TUSC3: variants seen among roughly 807,000 people sequenced by gnomAD.
TUSC3 encodes tumor suppressor candidate 3.
A neutral mutation model predicts 44.8 loss-of-function variants in TUSC3; 45 were observed. That is an observed-to-expected ratio of 1.00 (90% CI 0.79 to 1.29). The LOEUF (loss-of-function observed/expected upper bound fraction) is 1.29. Ranked by LOEUF, TUSC3 falls within the 50% of genes most tolerant of loss-of-function variation. The pLI is 0.00. For missense variants in TUSC3, 519 were observed against 437.9 expected (o/e 1.19, Z -1.65); for synonymous variants, 212 against 152.9 (o/e 1.39, Z -2.85).
rs57360132 is a variant in TUSC3 at position 15,632,462 on chromosome 8, G to A, written c.308+9213G>A. On this transcript the variant is annotated intron_variant, in intron 2 of 10. Transcript: ENST00000503731. ...GTGCTGAGATTAATCACTTGATTAG[G>A]GTGATGGTTGTCAGATCTCTCCATT... Among the ~76,000 whole-genome samples the A allele has an allele frequency of 8.1e-3, 1,234 of 152,214 alleles. 14 individuals carry two copies. The highest frequency in any genetic ancestry group is 0.028 in the African/African-American group (1,175 of 41,518).
At chr8:15,604,592 G>GTCAT (rs971739147) in intron 1 of TUSC3, among the ~76,000 whole-genome samples, 2 of 151,730 alleles carry the variant, frequency 1.3e-5, no homozygotes, top group Non-Finnish European at 2.9e-5. Context: ...ATTAACTTTT[G>GTCAT]TCATTTGCTT....
At position 15,598,980 on chromosome 8, in the gene TUSC3, A is replaced by G. The variant is rs546435373; in HGVS notation, c.139-24100A>G. ...CCCAAGGAATGCATTTGCTGGATCA[A>G]GTGGTTAAAATTATGGTAATTTTAT... On this transcript the variant is annotated intron_variant, in intron 1 of 10. Coordinates refer to ENST00000503731, the MANE Select transcript of TUSC3 (RefSeq NM_006765.4). Among the ~76,000 whole-genome samples the G allele has an allele frequency of 2.0e-5, 3 of 151,874 alleles. No homozygotes were observed. The South Asian group carries it at 6.2e-4, about 31-fold the overall frequency.
chr8:15,488,773 C>G (rs923552016), intron 2 of TUSC3, among the ~76,000 whole-genome samples: 5 of 152,106 alleles, frequency 3.3e-5, no homozygotes, highest in Non-Finnish European at 7.3e-5. Context: ...GGGTCCTTAC[C>G]AGACACCAAA....
In TUSC3 at chr8:15,547,774, C is replaced by CAA. The variant is rs77958222; in HGVS notation, c.138+7207_138+7208dup. Among the ~76,000 whole-genome samples the CAA allele has an allele frequency of 2.6e-5, 4 of 151,392 alleles. 1 individual carries two copies. The East Asian group carries it at 7.9e-4, about 30-fold the overall frequency. On this transcript the variant is annotated intron_variant, in intron 1 of 10. Coordinates refer to ENST00000503731, the MANE Select transcript of TUSC3 (RefSeq NM_006765.4). ...GAGAGCTCTCTGGTCCTCGTTCTCC[C>CAA]AAGTGAGGAAGTGCCCTTTCCATTG...
At chr8:15,455,434 T>TATATGTATACACACCTATGTATACACAC (rs1800242576) in intron 1 of TUSC3, among the ~76,000 whole-genome samples, 1 of 151,232 alleles carries the variant, frequency 6.6e-6, no homozygotes, top group African/African-American at 2.4e-5. Flanking sequence ...TGTATACACG[T>TATATGTATACACACCTATGTATACACAC]ATATGTATAC....
the TUSC3 span, among the ~76,000 whole-genome samples, chr8:15,837,203 GA>G: frequency 7.6e-6 from 1 of 131,704 alleles, no homozygotes; most frequent in East Asian, 2.2e-4. Flanking sequence ...TCTCACATTT[GA>G]AAAGGGATTA....
At chr8:15,677,549 G>A (rs1306095015) in intron 6 of TUSC3, among the ~76,000 whole-genome samples, 1 of 152,168 alleles carries the variant, frequency 6.6e-6, no homozygotes. Flanking sequence ...TTCTTCTTCT[G>A]TAAAATGAGT....
At chr8:15,674,435 C>CAG (rs1327151953) in intron 6 of TUSC3, among the ~76,000 whole-genome samples, 38 of 151,904 alleles carry the variant, frequency 2.5e-4, no homozygotes, top group Non-Finnish European at 8.8e-5. Context: ...GTCTTTGAGA[C>CAG]AGTATTAGGA....
At chr8:15,550,979 T>C (rs1802043023) in intron 1 of TUSC3, among the ~76,000 whole-genome samples, 1 of 151,758 alleles carries the variant, frequency 6.6e-6, no homozygotes, top group African/African-American at 2.4e-5. Flanking sequence ...TTACAAAGTG[T>C]TAAGGACCTT....
At chr8:15,680,593 C>G (rs930501855) in intron 6 of TUSC3, among the ~76,000 whole-genome samples, 1 of 151,906 alleles carries the variant, frequency 6.6e-6, no homozygotes, top group African/African-American at 2.4e-5. Flanking sequence ...TTTTTCTTGC[C>G]TTGTTGCTCT....
At position 15,695,611 on chromosome 8, in the gene TUSC3, A is replaced by T. The variant is rs1343105550; in HGVS notation, c.798+21775A>T. Among the ~76,000 whole-genome samples the T allele has an allele frequency of 3.3e-5, 5 of 152,310 alleles. No individual in the cohort carries two copies. The East Asian group carries it at 7.7e-4, about 24-fold the overall frequency. On this transcript the variant is annotated intron_variant, in intron 6 of 10. Coordinates refer to ENST00000503731, the MANE Select transcript of TUSC3 (RefSeq NM_006765.4). ...CTTGGTAACAGGCAGAGTCTGGAAA[A>T]GTTTGGGGGCTTTAGAAGAAGACAG...
chr8:15,770,512 C>A (rs940076987), downstream of TUSC3, among the ~76,000 whole-genome samples: 1 of 152,006 alleles, frequency 6.6e-6, no homozygotes, highest in African/African-American at 2.4e-5. Context: ...CCTCTGTAAC[C>A]TGCATGTTTT....
intron 2 of TUSC3, among the ~76,000 whole-genome samples, chr8:15,638,866 T>C (rs1420806262): frequency 6.6e-6 from 1 of 152,216 alleles, no homozygotes; most frequent in East Asian, 1.9e-4. Flanking sequence ...TATGATCATG[T>C]GTTGATGCTA....
At position 15,695,778 on chromosome 8, in the gene TUSC3, C is replaced by T. The variant is rs565055264; in HGVS notation, c.798+21942C>T. ...AACATGTTGGAAACTGGAGCAAAGGCGACTCTTGTTACGTTTTAGCAGAGA... is the reference window on the plus strand; with the variant it reads ...AACATGTTGGAAACTGGAGCAAAGGTGACTCTTGTTACGTTTTAGCAGAGA... On this transcript the variant is annotated intron_variant, in intron 6 of 10. Coordinates refer to ENST00000503731, the MANE Select transcript of TUSC3 (RefSeq NM_006765.4). 7.2e-5 allele frequency among the ~76,000 whole-genome samples: 11 copies of T among 152,224 alleles called. No individual in the cohort carries two copies. The East Asian group carries it at 7.7e-4, about 11-fold the overall frequency.
At position 15,617,120 on chromosome 8, in the gene TUSC3, A is replaced by ATGTGTGTGTGTGTGTG. The variant is rs143444660; in HGVS notation, c.139-5947_139-5946insGTGTGTGTGTGTGTGT. On this transcript the variant is annotated intron_variant, in intron 1 of 10. Transcript: ENST00000503731. ...ATTTGTTTCTGTATCTATCTGTAAA[A>ATGTGTGTGTGTGTGTG]TGTGTGTGTGTGTATATATTTTTTT... Among the ~76,000 whole-genome samples the ATGTGTGTGTGTGTGTG allele has an allele frequency of 6.9e-3, 852 of 123,734 alleles. 15 individuals carry two copies. The highest frequency in any genetic ancestry group is 0.04 in the East Asian group (165 of 4,078). 81.2% of individuals were successfully genotyped at this position (123,734 alleles called of 152,430 possible). A position where few individuals can be genotyped will look rare whatever the true frequency, so the allele number is the denominator to read the frequency against.
In TUSC3 at chr8:15,500,771, G is replaced by A. The variant is rs189113565; in HGVS notation, n.189+17288G>A. Reference sequence around the variant, plus strand: ...TAGATAAATCATTTAGCAAAGTTTCGGAACTTGAAAAGTCCCATGATTTAT... The same window carrying A: ...TAGATAAATCATTTAGCAAAGTTTCAGAACTTGAAAAGTCCCATGATTTAT... On this transcript the variant is annotated intron_variant and non_coding_transcript_variant, in intron 2 of 5. Coordinates refer to the TUSC3 transcript ENST00000503191. 2.7e-3 allele frequency among the ~76,000 whole-genome samples: 413 copies of A among 152,118 alleles called. 1 individual carries two copies. Among genetic ancestry groups the A allele is most frequent in the Admixed American group, 8.0e-3 (122 of 15,272 alleles).
the TUSC3 span, among the ~76,000 whole-genome samples, chr8:15,837,930 C>G: frequency 2.9e-3 from 448 of 152,142 alleles, 1 homozygote; most frequent in African/African-American, 0.01. Flanking sequence ...AAATCTTTAC[C>G]AGGAGTTTGC....
intron 2 of TUSC3, among the ~76,000 whole-genome samples, chr8:15,508,754 C>A (rs1439947213): frequency 6.6e-6 from 1 of 152,012 alleles, no homozygotes; most frequent in Non-Finnish European, 1.5e-5. Flanking sequence ...AGCCACCGCA[C>A]CTGTCCTGAA....
At chr8:15,595,671 G>A (rs1294439861) in intron 1 of TUSC3, among the ~76,000 whole-genome samples, 1 of 152,100 alleles carries the variant, frequency 6.6e-6, no homozygotes, top group Non-Finnish European at 1.5e-5. Flanking sequence ...TATTTCAAAA[G>A]CATCCAGAGA....
Sources: allele counts gnomAD v4.1 joint callset (sites outside exome capture counted in the v4.1 genomes callset), GRCh38; gene constraint gnomAD v4.1.1; transcripts MANE v1.5; gene names NCBI Gene and HGNC (gene_info 2026-07-23, HGNC 2026-07-21).